RAPGEF2: variants seen among roughly 807,000 people sequenced by gnomAD.
The protein encoded by RAPGEF2 is Rap guanine nucleotide exchange factor 2.
Under a neutral mutation model 186.7 loss-of-function variants are expected in RAPGEF2, and 54 were observed. That is an observed-to-expected ratio of 0.29 (90% CI 0.23 to 0.36). RAPGEF2 has a LOEUF of 0.36. RAPGEF2 is among the 10% of genes least tolerant of loss of function. The pLI is 1.00. For synonymous variants in RAPGEF2, 712 were observed against 705.9 expected (o/e 1.01, Z -0.14); for missense variants, 1,532 against 2,045.0 (o/e 0.75, Z 4.84).
At position 159,341,871 on chromosome 4, in the gene RAPGEF2, A is replaced by T. The variant is rs1293600565; in HGVS notation, c.2842A>T (p.Ile948Phe). The stretch of plus-strand genomic sequence containing the variant: ...AACAAACCAGCTGAAGAGGATGAAG[A>T]TCATTAAGCATTTCATCAAGATAGC... ...RETNQLKRMK[I>F]IKHFIKIALH... The change falls in exon 20 of 30, where the codon ATC becomes TTC. Residue 948 changes from isoleucine (I) to phenylalanine (F), a missense_variant. By Grantham distance (21) the Ile-to-Phe change is conservative (BLOSUM62 0). Transcript: ENST00000691494. 4.3e-6 allele frequency: 7 copies of T among 1,613,748 alleles called. No homozygotes were observed. The highest frequency in any genetic ancestry group is 1.7e-6 in the Non-Finnish European group (2 of 1,179,824).
Position 159,330,446 on chromosome 4 carries a change from A to C in RAPGEF2, c.1415A>C (p.Glu472Ala). 6.2e-7 allele frequency: 1 copy of C among 1,608,058 alleles called. No individual in the cohort carries two copies. The highest frequency in any genetic ancestry group is 2.2e-5 in the East Asian group (1 of 44,704). The stretch of plus-strand genomic sequence containing the variant: ...AGGACTTTTCTTTCTAGCCCAATGG[A>C]AGTGGGCAAAAAGTTATTGGAGTGG... Reference protein sequence around the residue: ...TYRTFLSSPMEVGKKLLEWFN... With the variant: ...TYRTFLSSPMAVGKKLLEWFN... The change falls in exon 13 of 30, where the codon GAA becomes GCA. Residue 472 changes from glutamate (E) to alanine (A), a missense_variant. Transcript: ENST00000691494.
intron 8 of RAPGEF2, among the ~76,000 whole-genome samples, chr4:159,308,158 T>C (rs1407010381): frequency 6.6e-6 from 1 of 152,180 alleles, no homozygotes; most frequent in Non-Finnish European, 1.5e-5. Context: ...CTAATTGCTC[T>C]AACATAGTTG....
intron 17 of RAPGEF2, among the ~76,000 whole-genome samples, chr4:159,336,244 T>G (rs1049475971): frequency 3.3e-5 from 5 of 152,068 alleles, no homozygotes; most frequent in Non-Finnish European, 7.4e-5. Flanking sequence ...GGTGGTGAAT[T>G]CTGGGATTTT....
In RAPGEF2 at chr4:159,304,322, T is replaced by G; in HGVS notation, c.544-20T>G. 3 of 1,577,270 alleles carry G rather than the reference T, an allele frequency of 1.9e-6. No individual in the cohort carries two copies. The highest frequency in any genetic ancestry group is 2.6e-6 in the Non-Finnish European group (3 of 1,155,844). ...TCTTGATTCAGATTGTAATCCTAGT[T>G]TTTCCTGCTCCTTCCATAGCTTCCT... On this transcript the variant is annotated intron_variant, in intron 7 of 29. Transcript: ENST00000691494.
intron 22 of RAPGEF2, among the ~76,000 whole-genome samples, 187 bp downstream of exon 22, chr4:159,343,591 C>A (rs1446714861): frequency 6.6e-6 from 1 of 152,182 alleles, no homozygotes; most frequent in African/African-American, 2.4e-5. Flanking sequence ...ATAAAGTGTT[C>A]TTTCGGCTGT....
Position 159,359,325 on chromosome 4 carries a change from C to G in RAPGEF2, c.*1186C>G, listed in dbSNP as rs958054199. 1 of 152,100 alleles carries G rather than the reference C, an allele frequency of 6.6e-6. No individual in the cohort carries two copies. Among genetic ancestry groups the G allele is most frequent in the Non-Finnish European group, 1.5e-5 (1 of 68,018 alleles). 9.4% of individuals were successfully genotyped at this position (152,100 alleles called of 1,614,324 possible). A position where few individuals can be genotyped will look rare whatever the true frequency, so the allele number is the denominator to read the frequency against. ...TTAAACGTGATAAAAGATCAAAAAC[C>G]TGGTTAGACATGCCAGCCTTTGCAA... On this transcript the variant is annotated 3_prime_UTR_variant, in exon 30 of 30. Coordinates refer to ENST00000691494, the MANE Select transcript of RAPGEF2 (RefSeq NM_001394067.2).
intron 1 of RAPGEF2, among the ~76,000 whole-genome samples, chr4:159,184,661 G>C (rs1183054265): frequency 6.6e-6 from 1 of 152,112 alleles, no homozygotes; most frequent in Non-Finnish European, 1.5e-5. Context: ...CGGATGAGTA[G>C]GTTGCAAAAA....
At chr4:159,211,840 T>A (rs1750561877) in intron 4 of RAPGEF2, among the ~76,000 whole-genome samples, 1 of 152,200 alleles carries the variant, frequency 6.6e-6, no homozygotes, top group Admixed American at 6.5e-5. Context: ...GGAGGGACAC[T>A]CTATTGCCTG....
chr4:159,339,343 A>G lies in RAPGEF2; in HGVS notation c.2523A>G (p.Gln841=), dbSNP rs755041363. The G allele has an allele frequency of 3.7e-6, 6 of 1,613,884 alleles. No homozygotes were observed. The South Asian group carries it at 5.5e-5, about 15-fold the overall frequency. ...DQLSKLADRI[Q]LSGRYYLKNN... is the part of the protein sequence containing the mutation. ...TTTCCAAACTTGCAGACAGAATACAACTGAGTGGAAGGTATATATTATCTA... is the reference window on the plus strand; with the variant it reads ...TTTCCAAACTTGCAGACAGAATACAGCTGAGTGGAAGGTATATATTATCTA... Residue 841 remains glutamine (Q), a synonymous_variant, in exon 19 of 30, where the codon CAA becomes CAG. Coordinates refer to ENST00000691494, the MANE Select transcript of RAPGEF2 (RefSeq NM_001394067.2).
At chr4:159,337,663 G>A (rs1767617090) in intron 17 of RAPGEF2, among the ~76,000 whole-genome samples, 1 of 151,788 alleles carries the variant, frequency 6.6e-6, no homozygotes, top group Non-Finnish European at 1.5e-5. Flanking sequence ...GCCAAGACAG[G>A]CGGATCACAA....
intron 7 of RAPGEF2, among the ~76,000 whole-genome samples, chr4:159,261,067 A>ATT (rs34389977): frequency 3.0e-4 from 42 of 137,836 alleles, no homozygotes; most frequent in South Asian, 2.2e-3. Flanking sequence ...GAAAAGGTTA[A>ATT]TTTTTTTTTT....
intron 6 of RAPGEF2, among the ~76,000 whole-genome samples, chr4:159,242,763 G>A (rs1754163146): frequency 6.6e-6 from 1 of 151,694 alleles, no homozygotes; most frequent in Non-Finnish European, 1.5e-5. Flanking sequence ...TATGGAAGAA[G>A]GAAATATGTA....
At chr4:159,304,829 T>C (rs1763089390) in intron 8 of RAPGEF2, among the ~76,000 whole-genome samples, 1 of 152,090 alleles carries the variant, frequency 6.6e-6, no homozygotes, top group African/African-American at 2.4e-5. Flanking sequence ...AATTTCTCAT[T>C]ATGCACCCCC....
intron 9 of RAPGEF2, among the ~76,000 whole-genome samples, chr4:159,321,039 T>G: frequency 6.6e-6 from 1 of 152,176 alleles, no homozygotes; most frequent in Non-Finnish European, 1.5e-5. Flanking sequence ...TTTTTCTTTT[T>G]AAGTGAGAAA....
intron 4 of RAPGEF2, among the ~76,000 whole-genome samples, chr4:159,211,049 A>G (rs1035007264): frequency 2.0e-5 from 3 of 152,054 alleles, no homozygotes; most frequent in African/African-American, 7.2e-5. Context: ...TCATTTTTGC[A>G]TTTGTCTGTG....
At chr4:159,287,772 A>G (rs1760694871) in intron 7 of RAPGEF2, among the ~76,000 whole-genome samples, 1 of 152,190 alleles carries the variant, frequency 6.6e-6, no homozygotes, top group Admixed American at 6.6e-5. Flanking sequence ...ACTCAAATTA[A>G]TATTTTTCTG....
chr4:159,331,335 G>T, intron 13 of RAPGEF2, 96 bp from the exon 14 acceptor site: 2 of 658,892 alleles, frequency 3.0e-6, no homozygotes, highest in Non-Finnish European at 5.2e-6. Flanking sequence ...TTATTATTAG[G>T]TAAATTATTT....
intron 1 of RAPGEF2, among the ~76,000 whole-genome samples, chr4:159,124,804 AAG>A (rs1740106100): frequency 1.3e-5 from 2 of 152,158 alleles, no homozygotes; most frequent in East Asian, 1.9e-4. Flanking sequence ...GAGGGGAAAA[AAG>A]AAATTTTATT....
chr4:159,156,630 C>T (rs1293141696), intron 1 of RAPGEF2, among the ~76,000 whole-genome samples: 1 of 152,074 alleles, frequency 6.6e-6, no homozygotes, highest in Non-Finnish European at 1.5e-5. Context: ...GCTATCCCTC[C>T]CCCAGCTCCC....
Sources: allele counts gnomAD v4.1 joint callset (sites outside exome capture counted in the v4.1 genomes callset), GRCh38; gene constraint gnomAD v4.1.1; transcripts MANE v1.5; gene names NCBI Gene and HGNC (gene_info 2026-07-23, HGNC 2026-07-21).